CCDC3: variants seen among roughly 807,000 people sequenced by gnomAD.
CCDC3 encodes coiled-coil domain-containing protein 3.
CCDC3 carries 24 observed loss-of-function variants against 21.4 expected under a neutral mutation model. The ratio of observed to expected loss-of-function variants is 1.12; its 90% confidence interval spans 0.81 to 1.58. The LOEUF (loss-of-function observed/expected upper bound fraction) is 1.58, where lower values mean the gene tolerates loss of function less well. Among genes scored for constraint, CCDC3 ranks in the 40% most tolerant of loss-of-function variants. The pLI is 0.00. For missense variants in CCDC3, 425 were observed against 360.9 expected (o/e 1.18, Z -1.44); for synonymous variants, 186 against 166.0 (o/e 1.12, Z -0.93).
chr10:13,009,928 T>C (rs1835964950), intron 5 of CCDC3, among the ~76,000 whole-genome samples: 1 of 152,212 alleles, frequency 6.6e-6, no homozygotes, highest in Non-Finnish European at 1.5e-5. Flanking sequence ...AGGATACATA[T>C]TCAGAATACA....
chr10:12,929,201 G>C (rs1336104222), intron 2 of CCDC3, among the ~76,000 whole-genome samples: 4 of 149,880 alleles, frequency 2.7e-5, no homozygotes, highest in Non-Finnish European at 4.4e-5. Context: ...GGTGGAGGTC[G>C]CAGTGAGCCG....
intron 4 of CCDC3, among the ~76,000 whole-genome samples, chr10:13,062,909 G>A (rs1836775128): frequency 6.6e-6 from 1 of 151,868 alleles, no homozygotes; most frequent in Admixed American, 6.6e-5. Flanking sequence ...TTGCTCATCT[G>A]CTCTTATGGC....
chr10:12,908,432 C>T (rs974489261), intron 2 of CCDC3, among the ~76,000 whole-genome samples: 10 of 152,088 alleles, frequency 6.6e-5, no homozygotes, highest in East Asian at 1.9e-4. Context: ...CAGTTACGAG[C>T]GGTCTCCTGT....
At chr10:13,024,721 AAAG>A (rs1156481705) in intron 5 of CCDC3, among the ~76,000 whole-genome samples, 1 of 152,196 alleles carries the variant, frequency 6.6e-6, no homozygotes, top group Non-Finnish European at 1.5e-5. Flanking sequence ...AGGCAACTAA[AAAG>A]AAGCCAGATT....
At chr10:13,078,531 A>C (rs533297632) in intron 3 of CCDC3, among the ~76,000 whole-genome samples, 81 of 152,370 alleles carry the variant, frequency 5.3e-4, no homozygotes, top group African/African-American at 1.9e-3. Flanking sequence ...AAGGATTGTA[A>C]ATTATACTAC....
chr10:12,995,636 G>A (rs995375936), intron 2 of CCDC3, among the ~76,000 whole-genome samples: 4 of 152,202 alleles, frequency 2.6e-5, no homozygotes, highest in Non-Finnish European at 1.5e-5. Flanking sequence ...AACGTGCAGA[G>A]TCCCTCAGAT....
chr10:13,018,108 T>C (rs1263432111), intron 5 of CCDC3, among the ~76,000 whole-genome samples: 1 of 151,402 alleles, frequency 6.6e-6, no homozygotes, highest in Non-Finnish European at 1.5e-5. Context: ...AAAAAAATAA[T>C]AATAAGCCAA....
At chr10:13,063,359 T>C (rs960559575) in intron 4 of CCDC3, among the ~76,000 whole-genome samples, 2 of 152,220 alleles carry the variant, frequency 1.3e-5, no homozygotes, top group Admixed American at 6.5e-5. Context: ...TTTTTATGTA[T>C]GTATCAATAC....
intron 2 of CCDC3, among the ~76,000 whole-genome samples, chr10:12,940,670 A>G (rs1475302125): frequency 6.9e-6 from 1 of 145,336 alleles, no homozygotes; most frequent in African/African-American, 2.6e-5. Context: ...AAGCTAAGTA[A>G]TAAGTCAATC....
At chr10:13,062,354 T>C (rs533810515) in intron 4 of CCDC3, among the ~76,000 whole-genome samples, 4 of 152,340 alleles carry the variant, frequency 2.6e-5, no homozygotes, top group African/African-American at 9.6e-5. Context: ...CCACCCATTG[T>C]ATGTACATAA....
At chr10:12,929,594 A>C (rs574643029) in intron 2 of CCDC3, among the ~76,000 whole-genome samples, 95 of 152,146 alleles carry the variant, frequency 6.2e-4, no homozygotes, top group African/African-American at 2.2e-3. Context: ...TCTGCCACAG[A>C]TTATCTTTCT....
intron 4 of CCDC3, among the ~76,000 whole-genome samples, chr10:13,062,330 G>C (rs1213606533): frequency 6.6e-6 from 1 of 152,142 alleles, no homozygotes; most frequent in Non-Finnish European, 1.5e-5. Flanking sequence ...AAAGCTTAGA[G>C]TCAACCATGT....
intron 2 of CCDC3, among the ~76,000 whole-genome samples, chr10:12,936,313 A>G (rs1398355267): frequency 1.3e-5 from 2 of 151,998 alleles, no homozygotes; most frequent in Non-Finnish European, 2.9e-5. Flanking sequence ...AGTTGGATAC[A>G]CTTCTTATAT....
chr10:12,948,336 A>G (rs1377134889), intron 2 of CCDC3, among the ~76,000 whole-genome samples: 1 of 151,956 alleles, frequency 6.6e-6, no homozygotes, highest in Non-Finnish European at 1.5e-5. Flanking sequence ...CTTTATTAGC[A>G]GCATGAGAAC....
intron 2 of CCDC3, among the ~76,000 whole-genome samples, chr10:12,971,978 T>C (rs556989076): frequency 1.3e-5 from 2 of 152,140 alleles, no homozygotes; most frequent in Non-Finnish European, 2.9e-5. Flanking sequence ...TGAGCCACCA[T>C]GCCCAGCCCG....
chr10:12,992,046 G>A (rs956115924), intron 2 of CCDC3, among the ~76,000 whole-genome samples: 7 of 149,602 alleles, frequency 4.7e-5, no homozygotes, highest in Non-Finnish European at 8.9e-5. Context: ...CAAAGACGGT[G>A]GTAATAACAC....
At chr10:12,901,600 C>T (rs115939001) in intron 2 of CCDC3, among the ~76,000 whole-genome samples, 155 of 152,268 alleles carry the variant, frequency 1.0e-3, no homozygotes, top group African/African-American at 3.3e-3. Flanking sequence ...CCAAAGTCTA[C>T]GTCTCAGGGA....
rs1836397900 is a variant in CCDC3 at position 13,037,842 on chromosome 10, T to C, written c.-2+11832A>G. 3.3e-5 allele frequency among the ~76,000 whole-genome samples: 5 copies of C among 152,284 alleles called. No individual in the cohort carries two copies. The South Asian group carries it at 8.3e-4, about 25-fold the overall frequency. On this transcript the variant is annotated intron_variant, in intron 5 of 6. Transcript: ENST00000378839. Reference sequence around the variant, plus strand: ...TCCAGAGGAGCATCCTTTGATCTTGTAGGCACTCTGCACTGCCTTAGTTGG... The same window carrying C: ...TCCAGAGGAGCATCCTTTGATCTTGCAGGCACTCTGCACTGCCTTAGTTGG...
chr10:13,005,111 A>G (rs1214214749), upstream of CCDC3, among the ~76,000 whole-genome samples: 2 of 152,194 alleles, frequency 1.3e-5, no homozygotes, highest in East Asian at 3.9e-4. Context: ...CTTAGTCTAG[A>G]CATAGCATAC....
Sources: allele counts gnomAD v4.1 joint callset (sites outside exome capture counted in the v4.1 genomes callset), GRCh38; gene constraint gnomAD v4.1.1; transcripts MANE v1.5; gene names NCBI Gene and HGNC (gene_info 2026-07-23, HGNC 2026-07-21).